MROH1: variants seen among roughly 807,000 people sequenced by gnomAD.
The protein encoded by MROH1 is maestro heat like repeat family member 1, also known as maestro heat-like repeat-containing protein family member 1.
MROH1 carries 117 observed loss-of-function variants against 116.5 expected under a neutral mutation model. That is an observed-to-expected ratio of 1.00 (90% CI 0.86 to 1.17). The LOEUF is 1.17. Ranked by LOEUF, MROH1 falls within the 50% of genes most tolerant of loss-of-function variation. The probability of loss-of-function intolerance (pLI) is 0.00; values close to 1 mark genes in which losing one functional copy is unlikely to be tolerated. For missense variants in MROH1, 1,873 were observed against 1,338.5 expected (o/e 1.40, Z -6.23); for synonymous variants, 921 against 583.9 (o/e 1.58, Z -8.32).
At chr8:144,224,236 A>G (rs185144980) in intron 14 of MROH1, among the ~76,000 whole-genome samples, 1 of 152,312 alleles carries the variant, frequency 6.6e-6, no homozygotes, top group Admixed American at 6.5e-5. Flanking sequence ...AATAGGATGG[A>G]ATCTAACACT....
intron 12 of MROH1, among the ~76,000 whole-genome samples, chr8:144,204,004 T>C (rs531467640): frequency 2.6e-4 from 40 of 152,358 alleles, no homozygotes; most frequent in African/African-American, 9.1e-4. Context: ...TACAAATGCA[T>C]GTACGCAAGG....
rs1167748181 is a variant in MROH1 at position 144,192,390 on chromosome 8, C to T, written c.937C>T (p.Leu313=). ...CCAGCTGGATGCCCTCTTGGCTGCA[C>T]TGCACTCCCAGGTAGGAGGCGGGCG... The part of the protein sequence containing the change: ...ETQLDALLAA[L]HSQICVPVES... Residue 313 remains leucine, a synonymous_variant, in exon 10 of 44, where the codon CTG becomes TTG. Coordinates refer to ENST00000326134, the MANE Select transcript of MROH1 (RefSeq NM_032450.3). 2 of 1,591,310 alleles carry T rather than the reference C, an allele frequency of 1.3e-6. No individual in the cohort carries two copies. Among genetic ancestry groups the T allele is most frequent in the Non-Finnish European group, 1.7e-6 (2 of 1,172,862 alleles).
intron 4 of MROH1, among the ~76,000 whole-genome samples, chr8:144,169,183 T>C (rs894334499): frequency 6.6e-6 from 1 of 152,248 alleles, no homozygotes; most frequent in Non-Finnish European, 1.5e-5. Context: ...TTTGGGCTGT[T>C]CTGGGAAGGG....
At chr8:144,212,072 G>T (rs1834225233) in intron 12 of MROH1, among the ~76,000 whole-genome samples, 1 of 97,902 alleles carries the variant, frequency 1.0e-5, no homozygotes, top group African/African-American at 3.8e-5. Flanking sequence ...AAGCTGTGTT[G>T]TTTTTTTGTT....
intron 32 of MROH1, among the ~76,000 whole-genome samples, chr8:144,249,465 G>T (rs1434819156): frequency 6.6e-6 from 1 of 152,104 alleles, no homozygotes; most frequent in East Asian, 1.9e-4. Flanking sequence ...TGTGCAGTAA[G>T]CATTTGGCAG....
intron 22 of MROH1, 147 bp downstream of exon 22, chr8:144,241,664 C>A: frequency 1.4e-6 from 1 of 713,830 alleles, no homozygotes; most frequent in Admixed American, 1.9e-5. Flanking sequence ...ATGGGCAGGA[C>A]CTGTGCGTGG....
intron 14 of MROH1, among the ~76,000 whole-genome samples, chr8:144,233,035 G>A (rs1839246089): frequency 6.6e-6 from 1 of 151,224 alleles, no homozygotes; most frequent in Non-Finnish European, 1.5e-5. Context: ...TCTCTGTGTT[G>A]CCCAGGCCAG....
At chr8:144,226,010 G>A (rs1052225452) in intron 14 of MROH1, among the ~76,000 whole-genome samples, 6 of 149,864 alleles carry the variant, frequency 4.0e-5, no homozygotes, top group African/African-American at 1.5e-4. Flanking sequence ...CACCTCCTGG[G>A]TTCAAGCAAT....
rs1377754443 is a variant in MROH1 at position 144,231,315 on chromosome 8, GCTGTTGGGCACACCTC to G, written c.1339-7439_1339-7424del. On this transcript the variant is annotated intron_variant, in intron 14 of 43. Coordinates refer to ENST00000326134, the MANE Select transcript of MROH1 (RefSeq NM_032450.3). ...TGTCATCATGGCCCGTTCTCAATGA[GCTGTTGGGCACACCTC>G]CCAGACGGGGTGGTGGCCGGGCAGA... is the stretch of plus-strand genomic sequence containing the variant. Among the ~76,000 whole-genome samples the G allele has an allele frequency of 1.1e-3, 164 of 152,118 alleles. 1 individual carries two copies. Among genetic ancestry groups the G allele is most frequent in the African/African-American group, 3.9e-3 (163 of 41,496 alleles).
At chr8:144,200,666 C>T in intron 12 of MROH1, 125 bp downstream of exon 12, 1 of 761,078 alleles carries the variant, frequency 1.3e-6, no homozygotes, top group Non-Finnish European at 2.2e-6. Flanking sequence ...AAAGATTTCC[C>T]TACTTACTAT....
chr8:144,255,368 C>T lies in MROH1; in HGVS notation c.3595-141C>T, dbSNP rs1048175064. The stretch of plus-strand genomic sequence containing the variant: ...GGCCAAGCCATGCAGTGGTGCGCCT[C>T]GCCCTTCCTGCGCTGCAGCTGGGAT... On this transcript the variant is annotated intron_variant, in intron 34 of 43. Coordinates refer to ENST00000326134, the MANE Select transcript of MROH1 (RefSeq NM_032450.3). The T allele has an allele frequency of 4.9e-4, 324 of 665,220 alleles. 2 individuals are homozygous for T. The highest frequency in any genetic ancestry group is 3.2e-3 in the Middle Eastern group (8 of 2,506). 41.2% of individuals were successfully genotyped at this position (665,220 alleles called of 1,614,324 possible).
At position 144,239,689 on chromosome 8, in the gene MROH1, A is replaced by G; in HGVS notation, c.1708A>G (p.Asn570Asp). 5.4e-6 allele frequency: 4 copies of G among 746,580 alleles called. No homozygotes were observed. Among genetic ancestry groups the G allele is most frequent in the Non-Finnish European group, 1.0e-5 (4 of 401,340 alleles). 46.2% of individuals were successfully genotyped at this position (746,580 alleles called of 1,614,324 possible). A position where few individuals can be genotyped will look rare whatever the true frequency, so the allele number is the denominator to read the frequency against. ...ALRLLSVLHP[N>D]IHPLLGQHWE... Reference sequence around the variant, plus strand: ...GCGCCTCCTCAGTGTTCTGCACCCAAACATTCACCCTTTGCTGGGTCAGCA... The same window carrying G: ...GCGCCTCCTCAGTGTTCTGCACCCAGACATTCACCCTTTGCTGGGTCAGCA... The change falls in exon 18 of 44, where the codon AAC becomes GAC. Residue 570 changes from asparagine to aspartate, a missense_variant. Coordinates refer to ENST00000326134, the MANE Select transcript of MROH1 (RefSeq NM_032450.3).
intron 1 of MROH1, among the ~76,000 whole-genome samples, chr8:144,159,185 C>T (rs1818889057): frequency 6.6e-6 from 1 of 152,256 alleles, no homozygotes; most frequent in South Asian, 2.1e-4. Context: ...TGGTGAAACC[C>T]CATCTCTACT....
At chr8:144,222,796 G>A (rs1212769751) in intron 13 of MROH1, among the ~76,000 whole-genome samples, 1 of 151,916 alleles carries the variant, frequency 6.6e-6, no homozygotes, top group Non-Finnish European at 1.5e-5. Context: ...AGGTATGTGG[G>A]TACAGGCCCA....
intron 13 of MROH1, among the ~76,000 whole-genome samples, chr8:144,222,352 C>T (rs1564512018): frequency 6.6e-6 from 1 of 152,186 alleles, no homozygotes; most frequent in East Asian, 1.9e-4. Flanking sequence ...CCTCTGGCAG[C>T]AGGGGAGGGA....
intron 33 of MROH1, chr8:144,251,410 T>C (rs1842827024): frequency 6.6e-6 from 1 of 152,216 alleles, no homozygotes; most frequent in South Asian, 2.1e-4. Flanking sequence ...ACACATTTTG[T>C]TTTTTAAAAA....
In MROH1 at chr8:144,247,631, G is replaced by T; in HGVS notation, c.3072G>T (p.Val1024=). 1 of 766,074 alleles carries T rather than the reference G, an allele frequency of 1.3e-6. No individual in the cohort carries two copies. The allele number at this position is 766,074 out of a possible 1,614,324, so 47.5% of individuals were successfully genotyped here. The change falls in exon 31 of 44, where the codon GTG becomes GTT. Residue 1024 remains valine (V), a synonymous_variant. Transcript: ENST00000326134. ...ERLLSLKDGL[V]HPDPAILFHT... ...TCCTCAGCCTCAAGGACGGCCTCGT[G>T]CACCCTGACCCCGCCATTCTCTTCC...
At position 144,254,891 on chromosome 8, in the gene MROH1, G is replaced by A. The variant is rs2133253410; in HGVS notation, c.3507G>A (p.Lys1169=). 6.4e-6 allele frequency: 5 copies of A among 778,264 alleles called. No individual in the cohort carries two copies. The highest frequency in any genetic ancestry group is 5.1e-5 in the Admixed American group (3 of 58,962). The allele number at this position is 778,264 out of a possible 1,614,324, so 48.2% of individuals were successfully genotyped here. A position where few individuals can be genotyped will look rare whatever the true frequency, so the allele number is the denominator to read the frequency against. Residue 1169 remains lysine, a synonymous_variant, in exon 34 of 44, where the codon AAG becomes AAA. Coordinates refer to ENST00000326134, the MANE Select transcript of MROH1 (RefSeq NM_032450.3). ...AGGTCCTGGGGCTGCTGCTGGAGAA[G>A]ATGAGTAGGGACGTCCCTTTCAAGG... ...AAQVLGLLLE[K]MSRDVPFKES... is the part of the protein sequence containing the mutation.
chr8:144,261,602 C>T, intron 43 of MROH1, 53 bp from the exon 44 acceptor site: 2 of 701,362 alleles, frequency 2.9e-6, no homozygotes, highest in South Asian at 3.0e-5. Context: ...CACGCGCAGG[C>T]ATGGGCATGC....
Sources: allele counts gnomAD v4.1 joint callset (sites outside exome capture counted in the v4.1 genomes callset), GRCh38; gene constraint gnomAD v4.1.1; transcripts MANE v1.5; gene names NCBI Gene and HGNC (gene_info 2026-07-23, HGNC 2026-07-21).